The following MMEL1 variants were observed in gnomAD, a reference collection of about 807,000 sequenced individuals.
MMEL1 encodes membrane metalloendopeptidase like 1.
A neutral mutation model predicts 117.1 loss-of-function variants in MMEL1; 98 were observed. The ratio of observed to expected loss-of-function variants is 0.84; its 90% CI spans 0.71 to 0.99. The LOEUF is 0.99. Ranked by LOEUF, MMEL1 falls within the 50% of genes least tolerant of loss-of-function variation. The pLI, the probability that MMEL1 is intolerant of heterozygous loss-of-function variation, is 0.00. For missense variants in MMEL1, 1,014 were observed against 1,049.1 expected, an observed-to-expected ratio of 0.97 and a Z score of 0.46; for synonymous variants, 390 against 415.1, an observed-to-expected ratio of 0.94 and a Z score of 0.74.
chr1:2,630,607 ATG>A (rs747435379), intron 1 of MMEL1, among the ~76,000 whole-genome samples: 13 of 139,252 alleles, frequency 9.3e-5, no homozygotes, highest in Admixed American at 2.2e-4. Flanking sequence ...TCGTGTGTGC[ATG>A]TGTGTGACTG....
At chr1:2,631,901 C>T (rs1449789568) in intron 1 of MMEL1, among the ~76,000 whole-genome samples, 1 of 152,208 alleles carries the variant, frequency 6.6e-6, no homozygotes, top group African/African-American at 2.4e-5. Flanking sequence ...TCTGTCTCAC[C>T]CACTGATCCC....
At chr1:2,618,711 A>G (rs1422841389) in intron 2 of MMEL1, among the ~76,000 whole-genome samples, 1 of 152,218 alleles carries the variant, frequency 6.6e-6, no homozygotes, top group Non-Finnish European at 1.5e-5. Flanking sequence ...ATGAAAACAA[A>G]TACATATTCT....
intron 2 of MMEL1, among the ~76,000 whole-genome samples, chr1:2,625,384 C>T (rs1638230847): frequency 6.6e-6 from 1 of 152,166 alleles, no homozygotes; most frequent in African/African-American, 2.4e-5. Context: ...CGAGCGGGGT[C>T]CAGAACAGGA....
intron 4 of MMEL1, among the ~76,000 whole-genome samples, chr1:2,610,741 C>A (rs114154141): frequency 1.3e-5 from 2 of 152,194 alleles, no homozygotes; most frequent in African/African-American, 4.8e-5. Flanking sequence ...GACCAAGAAC[C>A]GTCCCTCAAA....
chr1:2,607,036 A>G lies in MMEL1; in HGVS notation c.569T>C (p.Leu190Pro). The change falls in exon 7 of 24, where the codon CTG becomes CCG. Residue 190 changes from leucine (L) to proline (P), a missense_variant. Transcript: ENST00000378412. The part of the protein sequence containing the change: ...VIEKRGSQPL[L>P]DILEVVGGWP... ...GCCTCCCACCACCTCCAAGATGTCC[A>G]GCAGGGGCTGAGAGCCTCGCTTCTC... 6.2e-7 allele frequency: 1 copy of G among 1,613,464 alleles called. No homozygotes were observed. The highest frequency in any genetic ancestry group is 1.1e-5 in the South Asian group (1 of 91,088).
intron 2 of MMEL1, among the ~76,000 whole-genome samples, chr1:2,618,117 C>T (rs1645233170): frequency 6.6e-6 from 1 of 152,188 alleles, no homozygotes; most frequent in Non-Finnish European, 1.5e-5. Flanking sequence ...GTTTATTTTT[C>T]CCTACCAAGT....
At chr1:2,607,112 C>T in intron 6 of MMEL1, 43 bp from the exon 7 acceptor site, 1 of 1,555,040 alleles carries the variant, frequency 6.4e-7, no homozygotes, top group Non-Finnish European at 8.8e-7. Context: ...CTCCCTGTGG[C>T]TCACGTGCCA....
intron 2 of MMEL1, among the ~76,000 whole-genome samples, chr1:2,617,496 A>C (rs900102663): frequency 6.7e-6 from 1 of 150,350 alleles, no homozygotes; most frequent in Non-Finnish European, 1.5e-5. Context: ...TCTACTCAAG[A>C]GGCTGAGGTG....
At position 2,632,956 on chromosome 1, in the gene MMEL1, G is replaced by C. The variant is rs186517020; in HGVS notation, c.-128C>G. ...GGAGTTGGGGTGAGCTGGGCCAAGT[G>C]GGTGGATTTCCAGGGACTGGGATGG... On this transcript the variant is annotated 5_prime_UTR_variant, in exon 1 of 24. Transcript: ENST00000378412. 1.0e-6 allele frequency: 1 copy of C among 985,866 alleles called. No individual in the cohort carries two copies. Among genetic ancestry groups the C allele is most frequent in the Non-Finnish European group, 1.2e-6 (1 of 830,192 alleles). The allele number at this position is 985,866 out of a possible 1,614,324, so 61.1% of individuals were successfully genotyped here.
At position 2,605,416 on chromosome 1, in the gene MMEL1, C is replaced by T; in HGVS notation, c.816+142G>A. The T allele has an allele frequency of 2.7e-6, 2 of 737,046 alleles. 1 individual carries two copies. Among genetic ancestry groups the T allele is most frequent in the South Asian group, 3.3e-5 (2 of 61,396 alleles). The allele number at this position is 737,046 out of a possible 1,614,324, so 45.7% of individuals were successfully genotyped here. A position where few individuals can be genotyped will look rare whatever the true frequency, so the allele number is the denominator to read the frequency against. ...AATAGGTCACGTCTGCACCCGCCAC[C>T]CTCAGTGCCGGGCTCAACCTCCACA... On this transcript the variant is annotated intron_variant, in intron 9 of 23. Transcript: ENST00000378412.
chr1:2,611,551 G>A, intron 3 of MMEL1: 1 of 522,276 alleles, frequency 1.9e-6, no homozygotes, highest in East Asian at 3.3e-5. Context: ...GGGGTGGGGT[G>A]TGGCCCTCCA....
intron 18 of MMEL1, 129 bp from the exon 19 acceptor site, chr1:2,594,062 C>T: frequency 8.0e-7 from 1 of 1,254,462 alleles, no homozygotes; most frequent in South Asian, 1.6e-5. Context: ...GTCAGGATTC[C>T]CTCAATTTAC....
chr1:2,594,928 G>A (rs768530353), intron 16 of MMEL1, 35 bp from the exon 17 acceptor site: 50 of 1,574,138 alleles, frequency 3.2e-5, no homozygotes, highest in Non-Finnish European at 4.3e-5. Context: ...CAGATGCTGG[G>A]GCCGGGCCCT....
intron 9 of MMEL1, 144 bp from the exon 10 acceptor site, chr1:2,604,425 CACAGAGTGCCGAGTGGGAGCG>C: frequency 8.4e-7 from 1 of 1,189,592 alleles, no homozygotes; most frequent in Non-Finnish European, 1.2e-6. Context: ...CTCTCGGGCA[CACAGAGTGCCGAGTGGGAGCG>C]TCTCAGACGC....
chr1:2,623,922 C>T (rs539104303), intron 2 of MMEL1, among the ~76,000 whole-genome samples: 6 of 152,320 alleles, frequency 3.9e-5, no homozygotes, highest in Admixed American at 6.5e-5. Flanking sequence ...TAAAAATCCC[C>T]GGCCCATGGA....
chr1:2,597,024 G>A (rs1014897991), intron 13 of MMEL1, among the ~76,000 whole-genome samples: 1 of 152,084 alleles, frequency 6.6e-6, no homozygotes, highest in East Asian at 1.9e-4. Context: ...GCACAGGGCT[G>A]GCGCTGACCC....
At chr1:2,620,487 C>T (rs1232199473) in intron 2 of MMEL1, among the ~76,000 whole-genome samples, 1 of 152,202 alleles carries the variant, frequency 6.6e-6, no homozygotes, top group African/African-American at 2.4e-5. Flanking sequence ...TCTTACCCTA[C>T]AAGATTCCCG....
At chr1:2,611,918 G>A (rs376794808) in intron 3 of MMEL1, among the ~76,000 whole-genome samples, 1 of 152,216 alleles carries the variant, frequency 6.6e-6, no homozygotes. Context: ...GCAGGAGCAG[G>A]TGCGGAGTGT....
Position 2,591,579 on chromosome 1 carries a change from C to T in MMEL1, c.2218G>A (p.Val740Ile), listed in dbSNP as rs199987335. The T allele has an allele frequency of 6.8e-5, 110 of 1,612,958 alleles. No homozygotes were observed. The highest frequency in any genetic ancestry group is 3.3e-4 in the Admixed American group (20 of 59,908). Reference sequence around the variant, plus strand: ...TGCCTGTACTTCAGGGGACTGTGGACGTCTGTCTTGATGGATTGGATGGCG... The same window carrying T: ...TGCCTGTACTTCAGGGGACTGTGGATGTCTGTCTTGATGGATTGGATGGCG... ...EFAIQSIKTD[V>I]HSPLKYRVLG... The change falls in exon 23 of 24, where the codon GTC becomes ATC. Residue 740 changes from valine (V) to isoleucine (I), a missense_variant. Physicochemically the swap from Val to Ile is conservative, Grantham distance 29 (BLOSUM62 3). Transcript: ENST00000378412.
Sources: gnomAD v4.1 joint callset for allele counts (sites outside exome capture counted in the v4.1 genomes callset) on GRCh38, gnomAD v4.1.1 for gene constraint, MANE v1.5 for transcripts, NCBI Gene and HGNC (gene_info 2026-07-23, HGNC 2026-07-21) for gene names.